MACF1: variants seen among roughly 807,000 people sequenced by gnomAD.
MACF1 encodes microtubule-actin cross-linking factor 1.
MACF1 carries 193 observed loss-of-function variants against 854.8 expected under a neutral mutation model. That is an observed-to-expected ratio of 0.23 (90% CI 0.20 to 0.25). The LOEUF is 0.25. MACF1 is among the 10% of genes least tolerant of loss of function. MACF1 has a pLI of 1.00. For missense variants in MACF1, 7,722 were observed against 8,929.1 expected, an observed-to-expected ratio of 0.86 and a Z score of 5.45; for synonymous variants, 3,185 against 3,226.7, an observed-to-expected ratio of 0.99 and a Z score of 0.44.
intron 58 of MACF1, chr1:39,411,845 G>C (rs749839429): frequency 3.2e-5 from 51 of 1,613,714 alleles, no homozygotes; most frequent in Non-Finnish European, 4.3e-5. Context: ...TTACATGTAA[G>C]GGCAAAAGAT....
At position 39,335,592 on chromosome 1, in the gene MACF1, G is replaced by C; in HGVS notation, c.9004G>C (p.Glu3002Gln). 6.2e-7 allele frequency: 1 copy of C among 1,614,114 alleles called. No individual in the cohort carries two copies. The highest frequency in any genetic ancestry group is 8.5e-7 in the Non-Finnish European group (1 of 1,180,010). Residue 3002 changes from glutamate (E) to glutamine (Q), a missense_variant, in exon 37 of 101, where the codon GAA (glutamate) becomes CAA (glutamine). By Grantham distance (29) the Glu-to-Gln change is conservative. Transcript: ENST00000564288. ...AFLSEEKLYQ[E>Q]TAIRDEHDSH... ...TCTTTCTGAAGAAAAGTTGTATCAG[G>C]AAACTGCCATTAGAGATGAGCATGA...
chr1:39,251,971 A>AGCTGGCACT (rs1477857912), intron 4 of MACF1, 30 bp downstream of exon 4: 1 of 1,427,000 alleles, frequency 7.0e-7, no homozygotes, highest in Non-Finnish European at 9.3e-7. Context: ...CCAGCATCCC[A>AGCTGGCACT]GCTGGCACTG....
At chr1:39,213,008 T>C (rs572753861) in intron 1 of MACF1, among the ~76,000 whole-genome samples, 3 of 152,366 alleles carry the variant, frequency 2.0e-5, no homozygotes, top group African/African-American at 7.2e-5. Flanking sequence ...TGTTTGTTTA[T>C]TCTGGTTTAG....
intron 56 of MACF1, among the ~76,000 whole-genome samples, chr1:39,382,480 G>A (rs1485020831): frequency 6.6e-6 from 1 of 151,822 alleles, no homozygotes; most frequent in East Asian, 1.9e-4. Flanking sequence ...CGAGGTGGGC[G>A]GGTCACAAGG....
chr1:39,095,837 A>G (rs1265945946), intron 2 of MACF1, among the ~76,000 whole-genome samples: 14 of 151,400 alleles, frequency 9.2e-5, no homozygotes, highest in African/African-American at 3.4e-4. Flanking sequence ...TTGTACTACT[A>G]CACTCCAGCG....
chr1:39,410,801 C>T, intron 58 of MACF1: 1 of 1,613,994 alleles, frequency 6.2e-7, no homozygotes, highest in Non-Finnish European at 8.5e-7. Context: ...ACAGAAAGTT[C>T]TGGTCATTTG....
rs189965467 is a variant in MACF1, at chr1:39,262,254, T to C, written c.528+4226T>C. Among the ~76,000 whole-genome samples, 820 of 151,906 alleles carry C rather than the reference T, an allele frequency of 5.4e-3. 5 individuals are homozygous for C. Among genetic ancestry groups the C allele is most frequent in the Non-Finnish European group, 8.4e-3 (570 of 67,928 alleles). ...CCATCTCTACTAAAAATACAAAAAT[T>C]AGCCAGGTGTGTTGGCGCACTGTAG... is the stretch of plus-strand genomic sequence containing the variant. On this transcript the variant is annotated intron_variant, in intron 6 of 100. Transcript: ENST00000564288.
chr1:39,461,143 A>C (rs953116979), intron 92 of MACF1, among the ~76,000 whole-genome samples: 1 of 151,700 alleles, frequency 6.6e-6, no homozygotes, highest in Non-Finnish European at 1.5e-5. Context: ...AAACAATATG[A>C]TTTGGTCTGT....
At chr1:39,421,643 C>T (rs1418791333) in intron 58 of MACF1, among the ~76,000 whole-genome samples, 16 of 152,154 alleles carry the variant, frequency 1.1e-4, no homozygotes, top group Admixed American at 1.0e-3. Flanking sequence ...AGGCTATTCC[C>T]CAAGGGATAT....
chr1:39,274,506 T>A (rs969460298), intron 6 of MACF1, among the ~76,000 whole-genome samples: 1 of 152,214 alleles, frequency 6.6e-6, no homozygotes, highest in Non-Finnish European at 1.5e-5. Context: ...TTAGGAATTA[T>A]AAGTAATCTA....
chr1:39,270,057 G>T (rs1048445829), intron 6 of MACF1, among the ~76,000 whole-genome samples: 9 of 152,220 alleles, frequency 5.9e-5, no homozygotes, highest in African/African-American at 2.2e-4. Context: ...ACGAGAAGTT[G>T]TAATGTAGCA....
intron 95 of MACF1, among the ~76,000 whole-genome samples, chr1:39,468,401 A>G (rs958038622): frequency 2.6e-5 from 4 of 152,234 alleles, no homozygotes; most frequent in Non-Finnish European, 5.9e-5. Flanking sequence ...CAAAGAAAAA[A>G]GTATATCAAG....
chr1:39,454,887 TG>T (rs1557663799), intron 88 of MACF1, 21 bp from the exon 89 acceptor site: 1 of 1,598,848 alleles, frequency 6.3e-7, no homozygotes, highest in Non-Finnish European at 8.5e-7. Context: ...AAAGAGGCCA[TG>T]GTTTCCTTCT....
chr1:39,191,071 A>G (rs1332351488), intron 2 of MACF1, among the ~76,000 whole-genome samples: 1 of 152,140 alleles, frequency 6.6e-6, no homozygotes, highest in Non-Finnish European at 1.5e-5. Flanking sequence ...CCAGGCATAT[A>G]TGAGCATCAG....
At chr1:39,347,749 A>G (rs1484806283) in intron 41 of MACF1, among the ~76,000 whole-genome samples, 1 of 152,184 alleles carries the variant, frequency 6.6e-6, no homozygotes, top group Non-Finnish European at 1.5e-5. Context: ...AAGAATTAAT[A>G]TTATTTTCTT....
Position 39,309,597 on chromosome 1 carries a change from G to C in MACF1, c.2817G>C (p.Met939Ile), listed in dbSNP as rs528731549. The change falls in exon 24 of 101, where the codon ATG (methionine) becomes ATC (isoleucine). Residue 939 changes from methionine (M) to isoleucine (I), a missense_variant. Physicochemically the swap from Met to Ile is conservative, Grantham distance 10. This residue lies in a region of MACF1 where 1,137 missense variants were observed against 1,263.0 expected (regional missense o/e 0.90). Coordinates refer to ENST00000564288, the MANE Select transcript of MACF1 (RefSeq NM_001394062.1). ...SRVEQSYQKV[M>I]ALWHQLHVNT... is the part of the protein sequence containing the mutation. Reference sequence around the variant, plus strand: ...TCGAACAATCTTATCAGAAGGTTATGGCCCTTTGGCATCAGCTGCATGTTA... The same window carrying C: ...TCGAACAATCTTATCAGAAGGTTATCGCCCTTTGGCATCAGCTGCATGTTA... 2.5e-6 allele frequency: 4 copies of C among 1,614,162 alleles called. No homozygotes were observed. The African/African-American group carries it at 5.3e-5, about 22-fold the overall frequency.
intron 53 of MACF1, 105 bp downstream of exon 53, chr1:39,378,628 A>C: frequency 8.9e-7 from 1 of 1,121,486 alleles, no homozygotes. Context: ...CTGCTGCCAG[A>C]ATGGGTGTGA....
At chr1:39,320,952 A>G (rs1423459406) in intron 31 of MACF1, among the ~76,000 whole-genome samples, 1 of 152,218 alleles carries the variant, frequency 6.6e-6, no homozygotes, top group East Asian at 1.9e-4. Flanking sequence ...TGGGCAACAG[A>G]GAAAGACTGT....
rs1643780421 is a variant in MACF1 at position 39,428,030 on chromosome 1, T to C, written c.16546T>C (p.Ser5516Pro). ...GGCAGTCAAAATTGGGCAGTCCCTC[T>C]CCTCCCTGACATCTCCTGCAGAACA... ...HQAVKIGQSLSSLTSPAEQGV... is the reference protein window; with the variant it reads ...HQAVKIGQSLPSLTSPAEQGV... Residue 5516 changes from serine (S) to proline (P), a missense_variant, in exon 63 of 101, where the codon TCC (serine) becomes CCC (proline). Ser to Pro is a moderately conservative substitution (Grantham distance 74). Coordinates refer to ENST00000564288, the MANE Select transcript of MACF1 (RefSeq NM_001394062.1). 6.2e-7 allele frequency: 1 copy of C among 1,614,102 alleles called. No individual in the cohort carries two copies. Among genetic ancestry groups the C allele is most frequent in the Admixed American group, 1.7e-5 (1 of 60,000 alleles).
Sources: allele counts gnomAD v4.1 joint callset (sites outside exome capture counted in the v4.1 genomes callset), GRCh38; gene constraint gnomAD v4.1.1; regional missense constraint gnomAD v4.1.1; transcripts MANE v1.5; gene names NCBI Gene and HGNC (gene_info 2026-07-23, HGNC 2026-07-21).